Variants in TPST1 observed in about 807,000 individuals in gnomAD.
TPST1 encodes the protein protein-tyrosine sulfotransferase 1.
A neutral mutation model predicts 34.8 loss-of-function variants in TPST1; 20 were observed. The ratio of observed to expected loss-of-function variants is 0.57; its 90% CI spans 0.40 to 0.84. TPST1 has a LOEUF of 0.84. Among genes scored for constraint, TPST1 ranks in the 40% least tolerant of loss-of-function variants. The pLI is 0.00. For synonymous variants in TPST1, 152 were observed against 159.4 expected (o/e 0.95, Z 0.35); for missense variants, 353 against 455.5 (o/e 0.78, Z 2.05).
chr7:66,225,010 TG>T (rs1277004710), intron 1 of TPST1, among the ~76,000 whole-genome samples: 1 of 140,626 alleles, frequency 7.1e-6, no homozygotes, highest in African/African-American at 2.6e-5. Context: ...CTCCACCTCC[TG>T]GGTTCAAGCG....
chr7:66,221,187 G>T (rs1789535604), intron 1 of TPST1, among the ~76,000 whole-genome samples: 1 of 151,918 alleles, frequency 6.6e-6, no homozygotes, highest in South Asian at 2.1e-4. Flanking sequence ...CTGATGGAAA[G>T]AAGTCAGAAC....
At chr7:66,339,318 T>G (rs908466012) in intron 3 of TPST1, among the ~76,000 whole-genome samples, 10 of 151,868 alleles carry the variant, frequency 6.6e-5, no homozygotes, top group African/African-American at 2.4e-4. Context: ...ACAAAAGACC[T>G]CAACAAACCA....
chr7:66,284,702 A>G (rs1284952456), intron 2 of TPST1, among the ~76,000 whole-genome samples: 1 of 151,748 alleles, frequency 6.6e-6, no homozygotes, highest in Non-Finnish European at 1.5e-5. Flanking sequence ...GATTACAGAC[A>G]TGCACCACCA....
chr7:66,257,106 C>G (rs1285229875), intron 2 of TPST1, among the ~76,000 whole-genome samples: 1 of 152,154 alleles, frequency 6.6e-6, no homozygotes, highest in Admixed American at 6.5e-5. Flanking sequence ...GCCACCACAC[C>G]TGGCTAATTT....
At chr7:66,352,842 G>A (rs987387718) in intron 4 of TPST1, 89 of 985,258 alleles carry the variant, frequency 9.0e-5, no homozygotes, top group Non-Finnish European at 1.1e-4. Flanking sequence ...TGCACAAGCC[G>A]CCCAGTGGGT....
chr7:66,318,029 G>A (rs11770063), intron 3 of TPST1, among the ~76,000 whole-genome samples: 31,140 of 152,036 alleles, frequency 0.2, 3,669 homozygotes, highest in East Asian at 0.3. Flanking sequence ...CGGGGTGGCA[G>A]GCGCCTATAA....
chr7:66,355,626 G>A (rs911065782), intron 4 of TPST1, among the ~76,000 whole-genome samples: 4 of 152,046 alleles, frequency 2.6e-5, no homozygotes, highest in Middle Eastern at 3.4e-3. Context: ...AGGGCCAGGC[G>A]TGGTGGCTCC....
chr7:66,298,525 C>G (rs1791247855), intron 3 of TPST1, among the ~76,000 whole-genome samples: 3 of 152,078 alleles, frequency 2.0e-5, no homozygotes, highest in Admixed American at 2.0e-4. Flanking sequence ...CTTTATATAG[C>G]TGGCTTTGTT....
chr7:66,216,155 CAGTATT>C (rs1240838343), intron 1 of TPST1, among the ~76,000 whole-genome samples: 6 of 152,092 alleles, frequency 3.9e-5, no homozygotes, highest in East Asian at 1.9e-4. Flanking sequence ...TTTCTTGAGT[CAGTATT>C]AGTAGTTTGT....
In TPST1 at chr7:66,328,011, C is replaced by CTTT. The variant is rs35582736; in HGVS notation, c.1045-24468_1045-24466dup. Among the ~76,000 whole-genome samples the CTTT allele has an allele frequency of 1.3e-3, 50 of 39,508 alleles. 6 individuals are homozygous for CTTT. Among genetic ancestry groups the CTTT allele is most frequent in the East Asian group, 5.6e-3 (7 of 1,250 alleles). 25.9% of individuals were successfully genotyped at this position (39,508 alleles called of 152,430 possible). On this transcript the variant is annotated intron_variant, in intron 3 of 5. Coordinates refer to ENST00000304842, the MANE Select transcript of TPST1 (RefSeq NM_003596.4). ...TTTTCTTTCTTTTTTTTTTCCTTTCCTTTTTTTTTTTTTTTTTTTTTTTTT... is the reference window on the plus strand; with the variant it reads ...TTTTCTTTCTTTTTTTTTTCCTTTCCTTTTTTTTTTTTTTTTTTTTTTTTTTTT...
chr7:66,215,414 G>A (rs1031174644), intron 1 of TPST1, among the ~76,000 whole-genome samples: 26 of 146,760 alleles, frequency 1.8e-4, no homozygotes, highest in South Asian at 6.5e-4. Context: ...TTGCTCTGTC[G>A]CCCAGGCTGG....
chr7:66,219,863 C>G (rs1196685953), intron 1 of TPST1, among the ~76,000 whole-genome samples: 1 of 152,184 alleles, frequency 6.6e-6, no homozygotes, highest in African/African-American at 2.4e-5. Context: ...TTCTGGGCCT[C>G]AGTTTCCTTA....
chr7:66,354,738 C>A (rs995272593), intron 4 of TPST1, among the ~76,000 whole-genome samples: 1 of 152,070 alleles, frequency 6.6e-6, no homozygotes. Context: ...ATGAGGCTCA[C>A]GCTTGTAATC....
chr7:66,251,791 T>C (rs1485074738), intron 2 of TPST1, among the ~76,000 whole-genome samples: 2 of 152,038 alleles, frequency 1.3e-5, no homozygotes, highest in African/African-American at 2.4e-5. Flanking sequence ...TTCGGTCAGG[T>C]TCTTTTTTTT....
intron 3 of TPST1, among the ~76,000 whole-genome samples, chr7:66,349,508 G>C (rs1020185432): frequency 1.3e-5 from 2 of 152,138 alleles, no homozygotes; most frequent in Non-Finnish European, 2.9e-5. Flanking sequence ...GGAGGCAGAG[G>C]TTGTGGTGAG....
At chr7:66,278,100 C>CA (rs35654351) in intron 2 of TPST1, among the ~76,000 whole-genome samples, 1,088 of 50,206 alleles carry the variant, frequency 0.022, 196 homozygotes, top group East Asian at 0.075. Flanking sequence ...GACTCCATCT[C>CA]AAAAAAAAAA....
At position 66,240,425 on chromosome 7, in the gene TPST1, G is replaced by C. The variant is rs1200326220; in HGVS notation, c.-1G>C. The C allele has an allele frequency of 6.2e-6, 10 of 1,612,678 alleles. No homozygotes were observed. Among genetic ancestry groups the C allele is most frequent in the Admixed American group, 1.7e-5 (1 of 59,912 alleles). ...TTTAATAACAAGATAACCACATCAA[G>C]ATGGTTGGAAAGCTGAAGCAGAACT... On this transcript the variant is annotated 5_prime_UTR_variant, in exon 2 of 6. Coordinates refer to ENST00000304842, the MANE Select transcript of TPST1 (RefSeq NM_003596.4).
chr7:66,231,262 C>T (rs541341478), intron 1 of TPST1, among the ~76,000 whole-genome samples: 1 of 152,230 alleles, frequency 6.6e-6, no homozygotes, highest in African/African-American at 2.4e-5. Context: ...AGGTTCTCCA[C>T]GTCCCCACCA....
At chr7:66,254,480 T>C (rs1790342434) in intron 2 of TPST1, among the ~76,000 whole-genome samples, 2 of 152,182 alleles carry the variant, frequency 1.3e-5, no homozygotes, top group African/African-American at 4.8e-5. Context: ...CTCAGCTCAC[T>C]GCAACCTCCG....
Sources: gnomAD v4.1 joint callset for allele counts (sites outside exome capture counted in the v4.1 genomes callset) on GRCh38, gnomAD v4.1.1 for gene constraint, MANE v1.5 for transcripts, NCBI Gene and HGNC (gene_info 2026-07-23, HGNC 2026-07-21) for gene names.